The following SLC22A6 variants were observed in gnomAD, a reference collection of about 807,000 sequenced individuals.
The protein encoded by SLC22A6 is PAH transporter.
In SLC22A6, 45 loss-of-function variants were observed where a neutral mutation model predicts 56.7. The observed-to-expected ratio is 0.79, with a 90% CI of 0.63 to 1.02. SLC22A6 has a LOEUF of 1.02. SLC22A6 is among the 50% of genes least tolerant of loss of function. SLC22A6 has a pLI of 0.00. For synonymous variants in SLC22A6, 291 were observed against 295.9 expected (o/e 0.98, Z 0.17); for missense variants, 606 against 713.8 (o/e 0.85, Z 1.72).
At chr11:62,976,994 C>A (rs1030451432) in intron 9 of SLC22A6, 113 bp from the exon 10 acceptor site, 171 of 1,488,216 alleles carry the variant, frequency 1.1e-4, no homozygotes, top group Middle Eastern at 5.3e-4. Flanking sequence ...CTGCTCTCTG[C>A]CCCAAATACC....
At chr11:62,977,532 A>G (rs2086204611) in intron 8 of SLC22A6, 145 bp from the exon 9 acceptor site, 1 of 987,806 alleles carries the variant, frequency 1.0e-6, no homozygotes, top group African/African-American at 1.7e-5. Context: ...TAGCAAACCA[A>G]TTTGGCGATT....
chr11:62,982,215 T>G (rs1263065653), intron 3 of SLC22A6, among the ~76,000 whole-genome samples: 1 of 151,338 alleles, frequency 6.6e-6, no homozygotes, highest in East Asian at 1.9e-4. Context: ...AACTGCCCCC[T>G]CCACACTCTT....
In SLC22A6 at chr11:62,983,458, G is replaced by C; in HGVS notation, c.628+79C>G. 1 of 1,453,538 alleles carries C rather than the reference G, an allele frequency of 6.9e-7. No homozygotes were observed. The highest frequency in any genetic ancestry group is 2.5e-5 in the East Asian group (1 of 40,496). The allele number at this position is 1,453,538 out of a possible 1,614,324, so 90.0% of individuals were successfully genotyped here. On this transcript the variant is annotated intron_variant, in intron 3 of 9. Coordinates refer to ENST00000360421, the MANE Select transcript of SLC22A6 (RefSeq NM_153276.3). The surrounding 1 kb of genome is among the most constrained non-coding windows in gnomAD (Gnocchi z 4.5). ...TGGAGGGCAGGCAGGGCTCAGGAGG[G>C]GCAGGCTGGGAGGGGAGGCTGGAAA...
chr11:62,981,777 A>G (rs936040631), intron 4 of SLC22A6, 65 bp downstream of exon 4: 49 of 1,463,726 alleles, frequency 3.3e-5, no homozygotes, highest in Non-Finnish European at 4.0e-5. Flanking sequence ...GCTCTGGGAG[A>G]TGTCCTGTCC....
rs2086246757 is a variant in SLC22A6 at position 62,981,023 on chromosome 11, G to A, written c.999C>T (p.Pro333=). 1.9e-6 allele frequency: 3 copies of A among 1,610,762 alleles called. No individual in the cohort carries two copies. The South Asian group carries it at 3.3e-5, about 18-fold the overall frequency. ...QASAMELLRC[P]TLRHLFLCLS... ...GGCAGAGGAAGAGGTGGCGGAGGGT[G>A]GGGCAGCGCAGCAGCTCCATGGCCG... The change falls in exon 6 of 10, where the codon CCC becomes CCT. Residue 333 remains proline, a synonymous_variant. Transcript: ENST00000360421.
Position 62,983,791 on chromosome 11 carries a change from G to A in SLC22A6, c.474-100C>T. On this transcript the variant is annotated intron_variant, in intron 2 of 9. Transcript: ENST00000360421. This position sits in a 1 kb window ranked among gnomAD's most constrained non-coding sequence, Gnocchi z 4.5. ...TCACCCTGGATGATGCCTGGGCTGGGGCCTTTTGAGGACCTCTGAAGTATG... is the reference window on the plus strand; with the variant it reads ...TCACCCTGGATGATGCCTGGGCTGGAGCCTTTTGAGGACCTCTGAAGTATG... 1 of 1,294,590 alleles carries A rather than the reference G, an allele frequency of 7.7e-7. No homozygotes were observed. The highest frequency in any genetic ancestry group is 1.1e-6 in the Non-Finnish European group (1 of 941,304). 80.2% of individuals were successfully genotyped at this position (1,294,590 alleles called of 1,614,324 possible).
Position 62,984,823 on chromosome 11 carries a change from C to T in SLC22A6, c.-133G>A, listed in dbSNP as rs1229657346. 2 of 974,796 alleles carry T rather than the reference C, an allele frequency of 2.1e-6. No individual in the cohort carries two copies. The highest frequency in any genetic ancestry group is 2.6e-5 in the East Asian group (1 of 37,968). 60.4% of individuals were successfully genotyped at this position (974,796 alleles called of 1,614,324 possible). A position where few individuals can be genotyped will look rare whatever the true frequency, so the allele number is the denominator to read the frequency against. On this transcript the variant is annotated 5_prime_UTR_variant, in exon 1 of 10. Transcript: ENST00000360421. ...CTCCGCAGCTGGGTTGCTCCGGGAG[C>T]TGAGTCCGAGCTGCTCTGTGGGGGG...
Position 62,981,896 on chromosome 11 carries a change from C to T in SLC22A6, c.743G>A (p.Arg248His), listed in dbSNP as rs750771969. Reference protein sequence around the residue: ...AGVAYAVPHWRHLQLLVSAPF... With the variant: ...AGVAYAVPHWHHLQLLVSAPF... The stretch of plus-strand genomic sequence containing the variant: ...CGCAGAGACCAGTAGCTGCAGGTGG[C>T]GCCAGTGGGGCACAGCGTAGGCCAC... Residue 248 changes from arginine to histidine, a missense_variant, in exon 4 of 10, where the codon CGC (arginine) becomes CAC (histidine). By Grantham distance (29) the Arg-to-His change is conservative. Transcript: ENST00000360421. 29 of 1,613,762 alleles carry T rather than the reference C, an allele frequency of 1.8e-5. No homozygotes were observed. Among genetic ancestry groups the T allele is most frequent in the South Asian group, 4.4e-5 (4 of 90,974 alleles).
Position 62,984,810 on chromosome 11 carries a change from G to A in SLC22A6, c.-120C>T. The stretch of plus-strand genomic sequence containing the variant: ...GCACTGCCGTTGCCTCCGCAGCTGG[G>A]TTGCTCCGGGAGCTGAGTCCGAGCT... On this transcript the variant is annotated 5_prime_UTR_variant, in exon 1 of 10. Transcript: ENST00000360421. 1 of 1,169,594 alleles carries A rather than the reference G, an allele frequency of 8.5e-7. No individual in the cohort carries two copies. The highest frequency in any genetic ancestry group is 1.6e-5 in the South Asian group (1 of 63,356). The allele number at this position is 1,169,594 out of a possible 1,614,324, so 72.5% of individuals were successfully genotyped here.
chr11:62,984,750 T>A lies in SLC22A6; in HGVS notation c.-60A>T. On this transcript the variant is annotated 5_prime_UTR_variant, in exon 1 of 10. Coordinates refer to ENST00000360421, the MANE Select transcript of SLC22A6 (RefSeq NM_153276.3). ...GCCTTCCAGTCCCAGGACCTCTGTC[T>A]GTCTGCCTGCCTGCTGTCCTTCGCT... 6.5e-7 allele frequency: 1 copy of A among 1,534,998 alleles called. No individual in the cohort carries two copies. The highest frequency in any genetic ancestry group is 8.7e-7 in the Non-Finnish European group (1 of 1,144,832).
At position 62,976,795 on chromosome 11, in the gene SLC22A6, C is replaced by G. The variant is rs1006434045; in HGVS notation, c.1652G>C (p.Ter551SerextTer10). The G allele has an allele frequency of 1.2e-6, 2 of 1,612,244 alleles. No homozygotes were observed. Among genetic ancestry groups the G allele is most frequent in the African/African-American group, 1.3e-5 (1 of 74,902 alleles). The change falls in exon 10 of 10, where the codon TGA (stop) becomes TCA (serine). Residue 551 changes from the stop codon to serine (S), a stop_lost. Transcript: ENST00000360421. ...TTCTGTAAGGCCCCTTCTCAGTCCT[C>G]AGAGTCCATTCTTCTCTTGTGCTGA... ...QASAQEKNGL[*>S]
chr11:62,977,059 ATTGGGGAC>A, intron 9 of SLC22A6, 117 bp downstream of exon 9: 1 of 1,574,792 alleles, frequency 6.4e-7, no homozygotes. Context: ...AGCTCAGGCA[ATTGGGGAC>A]AAAGGGACAC....
chr11:62,983,861 C>T lies in SLC22A6; in HGVS notation c.473+83G>A. ...TCAAACCAGCGCCGGCTGGCAATGC[C>T]AAGCTCCCACCTAGACACCCTGAGC... On this transcript the variant is annotated intron_variant, in intron 2 of 9. Coordinates refer to ENST00000360421, the MANE Select transcript of SLC22A6 (RefSeq NM_153276.3). This position sits in a 1 kb window ranked among gnomAD's most constrained non-coding sequence, Gnocchi z 4.5. 1 of 1,229,782 alleles carries T rather than the reference C, an allele frequency of 8.1e-7. No individual in the cohort carries two copies. The highest frequency in any genetic ancestry group is 1.1e-6 in the Non-Finnish European group (1 of 873,500). 76.2% of individuals were successfully genotyped at this position (1,229,782 alleles called of 1,614,324 possible).
At position 62,983,982 on chromosome 11, in the gene SLC22A6, C is replaced by T. The variant is rs1278737603; in HGVS notation, c.435G>A (p.Val145=). ...AGCCGAACACCATGGCTCCGAGCAGCACCCCCACCATGTACAAGGACTGGG... is the reference window on the plus strand; with the variant it reads ...AGCCGAACACCATGGCTCCGAGCAGTACCCCCACCATGTACAAGGACTGGG... ...QLAQSLYMVG[V]LLGAMVFGYL... Residue 145 remains valine (V), a synonymous_variant, in exon 2 of 10, where the codon GTG becomes GTA. Coordinates refer to ENST00000360421, the MANE Select transcript of SLC22A6 (RefSeq NM_153276.3). The surrounding 1 kb of genome is among the most constrained non-coding windows in gnomAD (Gnocchi z 4.5). 6.2e-7 allele frequency: 1 copy of T among 1,613,960 alleles called. No homozygotes were observed. The highest frequency in any genetic ancestry group is 8.5e-7 in the Non-Finnish European group (1 of 1,179,914).
intron 8 of SLC22A6, among the ~76,000 whole-genome samples, chr11:62,978,590 CT>C (rs1230405831): frequency 3.4e-3 from 351 of 102,600 alleles, no homozygotes; most frequent in African/African-American, 8.3e-3. Context: ...GTCTTGATCT[CT>C]TTTTTTTTTT....
At chr11:62,979,413 G>T in intron 8 of SLC22A6, 75 bp downstream of exon 8, 1 of 1,036,878 alleles carries the variant, frequency 9.6e-7, no homozygotes, top group South Asian at 1.3e-5. Context: ...ATTTAGCTCT[G>T]GGGTCTGACC....
At position 62,984,773 on chromosome 11, in the gene SLC22A6, G is replaced by A. The variant is rs987674879; in HGVS notation, c.-83C>T. On this transcript the variant is annotated 5_prime_UTR_variant, in exon 1 of 10. Coordinates refer to ENST00000360421, the MANE Select transcript of SLC22A6 (RefSeq NM_153276.3). ...TCTGTCTGCCTGCCTGCTGTCCTTC[G>A]CTGGAGGAGCAGCACTGCCGTTGCC... 12 of 1,449,720 alleles carry A rather than the reference G, an allele frequency of 8.3e-6. No homozygotes were observed. Among genetic ancestry groups the A allele is most frequent in the African/African-American group, 5.7e-5 (4 of 70,692 alleles). The allele number at this position is 1,449,720 out of a possible 1,614,324, so 89.8% of individuals were successfully genotyped here. A position where few individuals can be genotyped will look rare whatever the true frequency, so the allele number is the denominator to read the frequency against.
intron 9 of SLC22A6, 103 bp downstream of exon 9, chr11:62,977,081 G>A: frequency 6.3e-7 from 1 of 1,598,816 alleles, no homozygotes; most frequent in Non-Finnish European, 8.5e-7. Flanking sequence ...GGGACACAGA[G>A]CTTTGGGCTA....
chr11:62,983,757 G>A lies in SLC22A6; in HGVS notation c.474-66C>T, dbSNP rs1410797874. The A allele has an allele frequency of 6.7e-7, 1 of 1,491,348 alleles. No individual in the cohort carries two copies. The highest frequency in any genetic ancestry group is 1.4e-5 in the African/African-American group (1 of 71,596). 92.4% of individuals were successfully genotyped at this position (1,491,348 alleles called of 1,614,324 possible). A position where few individuals can be genotyped will look rare whatever the true frequency, so the allele number is the denominator to read the frequency against. On this transcript the variant is annotated intron_variant, in intron 2 of 9. Coordinates refer to ENST00000360421, the MANE Select transcript of SLC22A6 (RefSeq NM_153276.3). This position sits in a 1 kb window ranked among gnomAD's most constrained non-coding sequence, Gnocchi z 4.5. ...TGATGGGGGTCAGGCTGAGCCAGGA[G>A]AGGAGGGCTCACCCTGGATGATGCC... is the stretch of plus-strand genomic sequence containing the variant.
Sources: gnomAD v4.1 joint callset for allele counts (sites outside exome capture counted in the v4.1 genomes callset) on GRCh38, gnomAD v4.1.1 for gene constraint, Gnocchi (gnomAD v3.1) non-coding constraint, MANE v1.5 for transcripts, NCBI Gene and HGNC (gene_info 2026-07-23, HGNC 2026-07-21) for gene names.